GPHN: variants seen among roughly 807,000 people sequenced by gnomAD.
GPHN encodes the protein gephyrin.
A neutral mutation model predicts 95.5 loss-of-function variants in GPHN; 17 were observed. The ratio of observed to expected loss-of-function variants is 0.18; its 90% CI spans 0.12 to 0.27. GPHN has a LOEUF of 0.27. Ranked by LOEUF, GPHN falls within the 10% of genes least tolerant of loss-of-function variation. The pLI is 1.00. For missense variants in GPHN, 660 were observed against 978.1 expected (o/e 0.67, Z 4.34); for synonymous variants, 320 against 322.5 (o/e 0.99, Z 0.08).
intron 2 of GPHN, among the ~76,000 whole-genome samples, chr14:66,703,510 A>T (rs754319541): frequency 3.3e-5 from 5 of 152,226 alleles, no homozygotes; most frequent in East Asian, 1.9e-4. Flanking sequence ...AAAGAAAATA[A>T]TTTTAAACGC....
chr14:66,650,044 G>A (rs2064963123), intron 1 of GPHN, among the ~76,000 whole-genome samples: 1 of 151,494 alleles, frequency 6.6e-6, no homozygotes, highest in Non-Finnish European at 1.5e-5. Flanking sequence ...CTTTGAAAAG[G>A]GAGACAGACC....
At chr14:67,097,936 TA>T (rs2077482724) in intron 12 of GPHN, among the ~76,000 whole-genome samples, 2 of 152,182 alleles carry the variant, frequency 1.3e-5, no homozygotes, top group African/African-American at 4.8e-5. Flanking sequence ...AAATAAGTTT[TA>T]TGAAACAAGA....
intron 9 of GPHN, among the ~76,000 whole-genome samples, chr14:66,978,547 A>G (rs1412605171): frequency 1.3e-5 from 2 of 152,190 alleles, no homozygotes; most frequent in African/African-American, 4.8e-5. Context: ...TTTTATCATG[A>G]GTATCACAGT....
the GPHN span, among the ~76,000 whole-genome samples, chr14:67,476,890 C>T: frequency 4.5e-4 from 68 of 152,198 alleles, no homozygotes; most frequent in African/African-American, 5.3e-4. Flanking sequence ...CTTTGGGAGG[C>T]GGAGATGGGC....
At chr14:67,548,784 C>T in the GPHN span, among the ~76,000 whole-genome samples, 1 of 152,234 alleles carries the variant, frequency 6.6e-6, no homozygotes, top group African/African-American at 2.4e-5. Context: ...TTTACCAAGT[C>T]CAGTTCCAGT....
the GPHN span, among the ~76,000 whole-genome samples, chr14:67,675,861 C>T: frequency 1.3e-5 from 2 of 152,160 alleles, no homozygotes; most frequent in East Asian, 3.9e-4. Context: ...TTTGGGAGGC[C>T]GAGGCGGGCG....
chr14:66,533,850 G>A (rs1189466329), intron 1 of GPHN, among the ~76,000 whole-genome samples: 1 of 152,188 alleles, frequency 6.6e-6, no homozygotes. Flanking sequence ...TGAGACTTCA[G>A]TTTTTAAAAT....
At chr14:66,930,177 A>G (rs117930697) in intron 8 of GPHN, among the ~76,000 whole-genome samples, 2,345 of 151,382 alleles carry the variant, frequency 0.015, 23 homozygotes, top group Non-Finnish European at 0.025. Flanking sequence ...CCATTTTATT[A>G]TTTGTTTTGT....
At chr14:67,230,871 A>C in the GPHN span, among the ~76,000 whole-genome samples, 10 of 152,246 alleles carry the variant, frequency 6.6e-5, no homozygotes, top group Non-Finnish European at 1.3e-4. Flanking sequence ...AAATAGTTCC[A>C]GAAATAAATA....
At chr14:67,541,773 C>A in the GPHN span, 1 of 1,194,264 alleles carries the variant, frequency 8.4e-7, no homozygotes, top group Non-Finnish European at 1.1e-6. Flanking sequence ...CGTTCTTTCC[C>A]CACAGAACTC....
chr14:67,549,816 C>T, the GPHN span, among the ~76,000 whole-genome samples: 27 of 152,222 alleles, frequency 1.8e-4, no homozygotes, highest in African/African-American at 5.8e-4. Flanking sequence ...CAAGCGCTTT[C>T]TTTATAAGCA....
At chr14:66,518,791 A>G (rs747791994) in intron 1 of GPHN, among the ~76,000 whole-genome samples, 1 of 152,152 alleles carries the variant, frequency 6.6e-6, no homozygotes, top group Non-Finnish European at 1.5e-5. Flanking sequence ...AGTTGGTTTC[A>G]TAGAAGTAAA....
intron 2 of GPHN, among the ~76,000 whole-genome samples, chr14:66,764,499 G>A (rs1309909771): frequency 1.3e-5 from 2 of 151,784 alleles, no homozygotes; most frequent in Non-Finnish European, 2.9e-5. Flanking sequence ...TTAAGAAAAC[G>A]TGCCTAAACT....
At chr14:67,431,458 G>A in the GPHN span, among the ~76,000 whole-genome samples, 2 of 147,042 alleles carry the variant, frequency 1.4e-5, no homozygotes, top group African/African-American at 5.0e-5. Context: ...GGAGGCCAAA[G>A]TAGGAGAATC....
At chr14:67,053,758 A>G (rs1158466799) in intron 10 of GPHN, among the ~76,000 whole-genome samples, 1 of 152,244 alleles carries the variant, frequency 6.6e-6, no homozygotes, top group East Asian at 1.9e-4. Flanking sequence ...CAAAAAGCTT[A>G]TCCACATGAT....
the GPHN span, among the ~76,000 whole-genome samples, chr14:67,469,855 G>A: frequency 1.3e-5 from 2 of 152,166 alleles, no homozygotes; most frequent in African/African-American, 2.4e-5. Flanking sequence ...GTCTTTGGGG[G>A]TACCCTCAGC....
chr14:67,135,854 CTTA>C (rs1229322777), intron 17 of GPHN, among the ~76,000 whole-genome samples: 2 of 152,062 alleles, frequency 1.3e-5, no homozygotes, highest in Admixed American at 1.3e-4. Flanking sequence ...GCTCTGTCTT[CTTA>C]TTATTTTCTG....
chr14:67,439,604 T>TTTTCTTTCTTTCTTTCTTTC, the GPHN span, among the ~76,000 whole-genome samples: 3 of 133,526 alleles, frequency 2.2e-5, no homozygotes, highest in East Asian at 2.3e-4. Flanking sequence ...TTCTTTCTTT[T>TTTTCTTTCTTTCTTTCTTTC]TTGCATCAGA....
chr14:67,640,619 A>C, the GPHN span, among the ~76,000 whole-genome samples: 1 of 152,230 alleles, frequency 6.6e-6, no homozygotes. Flanking sequence ...TGCAAATATT[A>C]AGATACGCCA....
Sources: allele counts gnomAD v4.1 joint callset (sites outside exome capture counted in the v4.1 genomes callset), GRCh38; gene constraint gnomAD v4.1.1; transcripts MANE v1.5; gene names NCBI Gene and HGNC (gene_info 2026-07-23, HGNC 2026-07-21).